The following PSG2 variants were observed in gnomAD, a reference collection of about 807,000 sequenced individuals.
PSG2 encodes pregnancy-specific beta-1-glycoprotein 2.
Under a neutral mutation model 36.2 loss-of-function variants are expected in PSG2, and 49 were observed. The observed-to-expected ratio is 1.35, with a 90% CI of 1.08 to 1.72. The LOEUF is 1.72. PSG2 is among the 40% of genes most tolerant of loss of function. The pLI, the probability that PSG2 is intolerant of heterozygous loss-of-function variation, is 0.00. For synonymous variants in PSG2, 261 were observed against 155.6 expected (o/e 1.68, Z -5.04); for missense variants, 605 against 407.2 (o/e 1.49, Z -4.18).
chr19:43,071,189 A>G (rs189930609), intron 4 of PSG2, among the ~76,000 whole-genome samples: 2,304 of 151,540 alleles, frequency 0.015, 83 homozygotes, highest in East Asian at 0.09. Context: ...GGTGGAGTCA[A>G]ACAGGGCCAG....
At position 43,071,894 on chromosome 19, in the gene PSG2, AG is replaced by A; in HGVS notation, c.769del (p.Leu257SerfsTer60). 1 of 1,612,764 alleles carries A rather than the reference AG, an allele frequency of 6.2e-7. No individual in the cohort carries two copies. The highest frequency in any genetic ancestry group is 2.2e-5 in the East Asian group (1 of 44,878). ...SYTNYRSGDN[L>X]YLSCFANSNP... ...AGAGTTCGCGAAGCAAGACAAGTAG[AG>A]GTTATCTCCTGAACGGTAATTGGTG... is the stretch of plus-strand genomic sequence containing the variant. On this transcript the variant is annotated frameshift_variant, in exon 4 of 6. Transcript: ENST00000406487. LOFTEE classifies it high-confidence loss of function.
chr19:43,080,168 TG>T (rs1568516543), intron 2 of PSG2, among the ~76,000 whole-genome samples: 3 of 151,796 alleles, frequency 2.0e-5, no homozygotes, highest in South Asian at 2.1e-4. Context: ...GTACATCTTC[TG>T]TCTTCTGTTT....
intron 1 of PSG2, 135 bp from the exon 2 acceptor site, chr19:43,081,381 A>G: frequency 7.6e-7 from 1 of 1,318,714 alleles, no homozygotes; most frequent in Admixed American, 2.4e-5. Context: ...ACACACACAC[A>G]CACACACACA....
chr19:43,078,279 C>A (rs965099470), intron 2 of PSG2, among the ~76,000 whole-genome samples: 1 of 151,634 alleles, frequency 6.6e-6, no homozygotes, highest in Non-Finnish European at 1.5e-5. Flanking sequence ...CCAGGGACGG[C>A]CTTTGTCAAA....
In PSG2 at chr19:43,081,357, A is replaced by G. The variant is rs1394636758; in HGVS notation, c.65-111T>C. The G allele has an allele frequency of 2.5e-5, 19 of 754,918 alleles. 1 individual carries two copies. In the African/African-American group the frequency reaches 7.0e-4, roughly 28 times the overall value. The allele number at this position is 754,918 out of a possible 1,614,324, so 46.8% of individuals were successfully genotyped here. A position where few individuals can be genotyped will look rare whatever the true frequency, so the allele number is the denominator to read the frequency against. On this transcript the variant is annotated intron_variant, in intron 1 of 5. Coordinates refer to ENST00000406487, the MANE Select transcript of PSG2 (RefSeq NM_031246.4). Reference sequence around the variant, plus strand: ...TCAATCCTCAGCCTTGAAGACACACACACACACACACACACACACACACAC... The same window carrying G: ...TCAATCCTCAGCCTTGAAGACACACGCACACACACACACACACACACACAC...
intron 1 of PSG2, 152 bp from the exon 2 acceptor site, chr19:43,081,398 CA>C (rs1311529244): frequency 8.9e-7 from 1 of 1,123,760 alleles, no homozygotes; most frequent in Non-Finnish European, 1.2e-6. Context: ...CACACACACA[CA>C]AAAGGGGCAT....
chr19:43,076,231 A>G (rs1174534204), intron 2 of PSG2, among the ~76,000 whole-genome samples: 3 of 151,608 alleles, frequency 2.0e-5, no homozygotes, highest in South Asian at 4.1e-4. Context: ...CAGTTTTCCC[A>G]GGTGTCTCAT....
intron 1 of PSG2, among the ~76,000 whole-genome samples, chr19:43,081,489 C>A (rs976906231): frequency 4.6e-5 from 7 of 151,468 alleles, no homozygotes; most frequent in African/African-American, 1.2e-4. Flanking sequence ...CATTCCTTCA[C>A]CACTTGTGAC....
chr19:43,077,481 G>T (rs1409521680), intron 2 of PSG2, among the ~76,000 whole-genome samples: 1 of 151,780 alleles, frequency 6.6e-6, no homozygotes, highest in African/African-American at 2.4e-5. Context: ...CTTAAGCTCA[G>T]GAAACACCAC....
intron 3 of PSG2, among the ~76,000 whole-genome samples, chr19:43,073,856 T>A (rs1185548741): frequency 6.6e-6 from 1 of 151,786 alleles, no homozygotes; most frequent in Non-Finnish European, 1.5e-5. Flanking sequence ...CTGAAATATT[T>A]GTCATATACT....
At chr19:43,075,847 C>T (rs1399909405) in intron 2 of PSG2, among the ~76,000 whole-genome samples, 2 of 151,552 alleles carry the variant, frequency 1.3e-5, no homozygotes, top group Non-Finnish European at 2.9e-5. Context: ...CAGACTTTCT[C>T]AGGTGTGTAT....
chr19:43,067,517 A>C (rs912102418), intron 4 of PSG2, among the ~76,000 whole-genome samples: 1 of 151,404 alleles, frequency 6.6e-6, no homozygotes, highest in African/African-American at 2.4e-5. Flanking sequence ...GCCCTGTGCT[A>C]AATACTTCCC....
At position 43,082,113 on chromosome 19, in the gene PSG2, TTC is replaced by T. The variant is rs1427832814; in HGVS notation, c.64+391_64+392del. The T allele has an allele frequency of 2.6e-5, 3 of 115,536 alleles. 1 individual carries two copies. Among genetic ancestry groups the T allele is most frequent in the African/African-American group, 1.5e-4 (3 of 20,662 alleles). 7.2% of individuals were successfully genotyped at this position (115,536 alleles called of 1,614,324 possible). A position where few individuals can be genotyped will look rare whatever the true frequency, so the allele number is the denominator to read the frequency against. On this transcript the variant is annotated intron_variant, in intron 1 of 5. Coordinates refer to ENST00000406487, the MANE Select transcript of PSG2 (RefSeq NM_031246.4). ...CAGAGCCTTCTTTCCTTTTATTTCT[TTC>T]TTCTCTCTTTTTTTTTTTTTTTTTT...
intron 2 of PSG2, among the ~76,000 whole-genome samples, chr19:43,076,748 A>G (rs1249671265): frequency 2.0e-5 from 3 of 151,804 alleles, no homozygotes; most frequent in Non-Finnish European, 4.4e-5. Context: ...GATCTCCTGT[A>G]CAGCCTCGTG....
In PSG2 at chr19:43,071,796, G is replaced by C. The variant is rs764553786; in HGVS notation, c.868C>G (p.Gln290Glu). The C allele has an allele frequency of 3.3e-5, 53 of 1,612,640 alleles. 2 individuals are homozygous for C. In the South Asian group the frequency reaches 4.9e-4, roughly 15 times the overall value. The change falls in exon 4 of 6, where the codon CAA becomes GAA. Residue 290 changes from glutamine (Q) to glutamate (E), a missense_variant. Coordinates refer to ENST00000406487, the MANE Select transcript of PSG2 (RefSeq NM_031246.4). The part of the protein sequence containing the change: ...QQSGQNLFIP[Q>E]ITTKHSGLYV... ...AGCCCGCTATGCTTTGTAGTAATTT[G>C]GGGGATAAACAGATTTTGTCCTGAT...
rs559262468 is a variant in PSG2 at position 43,081,448 on chromosome 19, C to A, written c.65-202G>T. On this transcript the variant is annotated intron_variant, in intron 1 of 5. Coordinates refer to ENST00000406487, the MANE Select transcript of PSG2 (RefSeq NM_031246.4). The stretch of plus-strand genomic sequence containing the variant: ...TGTGTATGTGTGTGTGTACTACTGT[C>A]CTACTAGGTCAAGGTCAGCAGCATG... 1.2e-4 allele frequency among the ~76,000 whole-genome samples: 18 copies of A among 150,846 alleles called. 1 individual carries two copies. The highest frequency in any genetic ancestry group is 1.1e-3 in the Admixed American group (17 of 15,174).
intron 5 of PSG2, chr19:43,065,675 G>A (rs1249653283): frequency 3.3e-5 from 5 of 151,704 alleles, no homozygotes; most frequent in Non-Finnish European, 5.9e-5. Context: ...TAGGCTTTAT[G>A]TCTCCTGGGG....
At chr19:43,064,992 C>T (rs1017852508) in intron 5 of PSG2, among the ~76,000 whole-genome samples, 25 of 151,702 alleles carry the variant, frequency 1.6e-4, no homozygotes, top group South Asian at 4.2e-4. Context: ...CCACCACACC[C>T]GGCTAATTTT....
At chr19:43,079,955 C>T (rs1170704095) in intron 2 of PSG2, among the ~76,000 whole-genome samples, 4 of 151,696 alleles carry the variant, frequency 2.6e-5, no homozygotes, top group Non-Finnish European at 4.4e-5. Flanking sequence ...CTTCCTGTGC[C>T]TCAGTTTTCT....
Sources: gnomAD v4.1 joint callset for allele counts (sites outside exome capture counted in the v4.1 genomes callset) on GRCh38, gnomAD v4.1.1 for gene constraint, MANE v1.5 for transcripts, NCBI Gene and HGNC (gene_info 2026-07-23, HGNC 2026-07-21) for gene names.